Variants in GALNTL6 observed in about 807,000 individuals in gnomAD.
GALNTL6 encodes polypeptide N-acetylgalactosaminyltransferase-like 6.
In GALNTL6, 46 loss-of-function variants were observed where a neutral mutation model predicts 73.7. That is an observed-to-expected ratio of 0.62 (90% CI 0.49 to 0.80). The LOEUF (loss-of-function observed/expected upper bound fraction) is 0.80, where lower values mean the gene tolerates loss of function less well. GALNTL6 is among the 30% of genes least tolerant of loss of function. GALNTL6 has a pLI of 0.00. For synonymous variants in GALNTL6, 259 were observed against 263.7 expected, an observed-to-expected ratio of 0.98 and a Z score of 0.17; for missense variants, 604 against 755.0, an observed-to-expected ratio of 0.80 and a Z score of 2.34.
chr4:172,138,148 A>G (rs577812078), intron 2 of GALNTL6, among the ~76,000 whole-genome samples: 1 of 152,110 alleles, frequency 6.6e-6, no homozygotes, highest in African/African-American at 2.4e-5. Flanking sequence ...AAATGAACGG[A>G]ATTATGATTG....
At chr4:171,821,537 A>G (rs1734684489) in intron 2 of GALNTL6, among the ~76,000 whole-genome samples, 1 of 151,940 alleles carries the variant, frequency 6.6e-6, no homozygotes, top group Non-Finnish European at 1.5e-5. Context: ...TCCCTGGATC[A>G]GTTTTCTTAA....
chr4:172,440,382 G>A (rs1213712572), intron 5 of GALNTL6, among the ~76,000 whole-genome samples: 1 of 152,060 alleles, frequency 6.6e-6, no homozygotes, highest in African/African-American at 2.4e-5. Flanking sequence ...AAGCCGATCT[G>A]GAAAGGCTAC....
At chr4:172,959,387 A>G (rs562858346) in intron 10 of GALNTL6, among the ~76,000 whole-genome samples, 8 of 151,666 alleles carry the variant, frequency 5.3e-5, no homozygotes, top group Non-Finnish European at 1.0e-4. Flanking sequence ...TGAGTGCTTA[A>G]AAGAGCATTG....
chr4:171,973,694 G>C (rs952779961), intron 2 of GALNTL6, among the ~76,000 whole-genome samples: 7 of 152,246 alleles, frequency 4.6e-5, no homozygotes, highest in South Asian at 4.1e-4. Flanking sequence ...TAGGGGGACA[G>C]AATTCAATCC....
intron 10 of GALNTL6, among the ~76,000 whole-genome samples, chr4:172,963,223 A>G (rs1450857129): frequency 1.3e-5 from 2 of 152,114 alleles, no homozygotes; most frequent in South Asian, 2.1e-4. Flanking sequence ...CTCAGAAATC[A>G]TATGGCTCCC....
chr4:172,568,614 C>T (rs1006415682), intron 5 of GALNTL6, among the ~76,000 whole-genome samples: 5 of 151,256 alleles, frequency 3.3e-5, no homozygotes, highest in African/African-American at 7.3e-5. Context: ...AAAAATTAGC[C>T]GGGCGTGATG....
intron 3 of GALNTL6, among the ~76,000 whole-genome samples, chr4:172,241,427 C>T (rs1381025797): frequency 6.6e-6 from 1 of 152,116 alleles, no homozygotes; most frequent in African/African-American, 2.4e-5. Context: ...ACCTTAGGAC[C>T]TCATGAATAG....
At chr4:172,538,685 A>C (rs1012548908) in intron 5 of GALNTL6, among the ~76,000 whole-genome samples, 28 of 152,216 alleles carry the variant, frequency 1.8e-4, no homozygotes, top group Admixed American at 1.0e-3. Context: ...AACTTCAAAT[A>C]GATGAGAGTA....
intron 5 of GALNTL6, among the ~76,000 whole-genome samples, chr4:172,782,703 T>C (rs1739435217): frequency 6.6e-6 from 1 of 152,140 alleles, no homozygotes; most frequent in African/African-American, 2.4e-5. Context: ...GGTACACTTA[T>C]CTCAATTTTC....
chr4:172,922,024 G>A (rs747415531), intron 8 of GALNTL6, among the ~76,000 whole-genome samples: 7 of 152,078 alleles, frequency 4.6e-5, no homozygotes, highest in Non-Finnish European at 1.0e-4. Context: ...AGGGACCCAG[G>A]GGGAGGTAAT....
chr4:172,604,459 A>G (rs915209363), intron 5 of GALNTL6, among the ~76,000 whole-genome samples: 7 of 152,330 alleles, frequency 4.6e-5, no homozygotes, highest in African/African-American at 1.7e-4. Context: ...TCATAATCTC[A>G]AAAGACTTTA....
intron 3 of GALNTL6, among the ~76,000 whole-genome samples, chr4:172,304,543 A>T (rs1243661641): frequency 6.6e-6 from 1 of 152,216 alleles, no homozygotes; most frequent in East Asian, 1.9e-4. Context: ...TGGCTATAAA[A>T]ATTCTTGAGT....
At chr4:172,558,837 C>T (rs1190691066) in intron 5 of GALNTL6, among the ~76,000 whole-genome samples, 1 of 151,962 alleles carries the variant, frequency 6.6e-6, no homozygotes, top group East Asian at 1.9e-4. Flanking sequence ...ATAAGTTGAT[C>T]AAAACTATTT....
chr4:172,942,113 T>C (rs981495287), intron 9 of GALNTL6, among the ~76,000 whole-genome samples: 4 of 152,188 alleles, frequency 2.6e-5, no homozygotes, highest in Non-Finnish European at 5.9e-5. Context: ...AAAAACAAAA[T>C]GGCAGCTTTG....
At chr4:171,818,424 T>C (rs1399307757) in intron 2 of GALNTL6, among the ~76,000 whole-genome samples, 1 of 151,802 alleles carries the variant, frequency 6.6e-6, no homozygotes, top group Non-Finnish European at 1.5e-5. Flanking sequence ...TAATATTAAT[T>C]ACAGAAATAA....
intron 2 of GALNTL6, among the ~76,000 whole-genome samples, chr4:172,089,734 G>C (rs975080530): frequency 6.6e-6 from 1 of 151,994 alleles, no homozygotes; most frequent in Non-Finnish European, 1.5e-5. Context: ...TAAGTTCTGG[G>C]TTACATGTGA....
At chr4:172,933,576 T>C (rs1439050393) in intron 9 of GALNTL6, among the ~76,000 whole-genome samples, 3 of 152,226 alleles carry the variant, frequency 2.0e-5, no homozygotes, top group East Asian at 3.9e-4. Flanking sequence ...TCTAAACTGC[T>C]AGAGCAATCA....
intron 2 of GALNTL6, among the ~76,000 whole-genome samples, chr4:172,092,485 G>A (rs1354631): frequency 0.38 from 57,298 of 151,798 alleles, 11,156 homozygotes; most frequent in Non-Finnish European, 0.42. Context: ...CTAAAGTTAG[G>A]TTGATGTCAA....
In GALNTL6 at chr4:172,765,130, G is replaced by A. The variant is rs540065016; in HGVS notation, c.554-44231G>A. Among the ~76,000 whole-genome samples the A allele has an allele frequency of 1.2e-3, 179 of 152,202 alleles. 3 individuals are homozygous for A. The Middle Eastern group carries it at 0.02, about 17-fold the overall frequency. On this transcript the variant is annotated intron_variant, in intron 5 of 12. Coordinates refer to ENST00000506823, the MANE Select transcript of GALNTL6 (RefSeq NM_001034845.3). Reference sequence around the variant, plus strand: ...AACTGTATATCACAGAGTGGTCAACGGCACTTCAGGAGGATGTGCTAAGGA... The same window carrying A: ...AACTGTATATCACAGAGTGGTCAACAGCACTTCAGGAGGATGTGCTAAGGA...
Sources: gnomAD v4.1 joint callset for allele counts (sites outside exome capture counted in the v4.1 genomes callset) on GRCh38, gnomAD v4.1.1 for gene constraint, MANE v1.5 for transcripts, NCBI Gene and HGNC (gene_info 2026-07-23, HGNC 2026-07-21) for gene names.